Variants in FRRS1 observed in about 807,000 individuals in gnomAD.
FRRS1 encodes the protein ferric chelate reductase 1.
In FRRS1, 51 loss-of-function variants were observed where a neutral mutation model predicts 70.7. That is an observed-to-expected ratio of 0.72 (90% confidence interval 0.58 to 0.91). FRRS1 has a LOEUF of 0.91. FRRS1 is among the 40% of genes least tolerant of loss of function. FRRS1 has a pLI of 0.00. For synonymous variants in FRRS1, 225 were observed against 238.7 expected (o/e 0.94, Z 0.53); for missense variants, 672 against 726.0 (o/e 0.93, Z 0.86).
intron 1 of FRRS1, among the ~76,000 whole-genome samples, chr1:99,751,168 T>C (rs1656549685): frequency 6.6e-6 from 1 of 152,114 alleles, no homozygotes; most frequent in African/African-American, 2.4e-5. Flanking sequence ...GACATCAAGG[T>C]TCCTGGTCCT....
chr1:99,715,677 A>T lies in FRRS1; in HGVS notation c.1237-5T>A. ...GAACATGAGCATCCGATGCACCTGC[A>T]AGGTAAAATGACAAATTAAGAAGAC... On this transcript the variant is annotated splice_region_variant and splice_polypyrimidine_tract_variant and intron_variant, in intron 11 of 16. Transcript: ENST00000646001. The T allele has an allele frequency of 1.2e-6, 2 of 1,604,126 alleles. No homozygotes were observed.
In FRRS1 at chr1:99,708,987, T is replaced by C. The variant is rs935076079; in HGVS notation, c.*41A>G. ...GCTTCAAGTTTCTTTGGTTTGATGA[T>C]AATTATCACTTGGCCTGCAAAAGCC... On this transcript the variant is annotated 3_prime_UTR_variant, in exon 17 of 17. Coordinates refer to ENST00000646001, the MANE Select transcript of FRRS1 (RefSeq NM_001361041.2). 6.2e-7 allele frequency: 1 copy of C among 1,614,094 alleles called. No homozygotes were observed. The highest frequency in any genetic ancestry group is 8.5e-7 in the Non-Finnish European group (1 of 1,180,000).
At chr1:99,741,164 G>A (rs1655943933) in intron 5 of FRRS1, among the ~76,000 whole-genome samples, 1 of 152,000 alleles carries the variant, frequency 6.6e-6, no homozygotes, top group Non-Finnish European at 1.5e-5. Context: ...TTCCTTATTT[G>A]TCTGTTTTGG....
At chr1:99,716,883 G>A (rs1246084933) in intron 11 of FRRS1, among the ~76,000 whole-genome samples, 1 of 152,198 alleles carries the variant, frequency 6.6e-6, no homozygotes, top group East Asian at 1.9e-4. Flanking sequence ...AGGGAAGGAA[G>A]AGCATGAAAA....
intron 1 of FRRS1, among the ~76,000 whole-genome samples, chr1:99,758,217 C>T (rs948664640): frequency 2.6e-5 from 4 of 152,220 alleles, no homozygotes; most frequent in Non-Finnish European, 5.9e-5. Context: ...ATCTGTAGCT[C>T]TCTGCTTTGA....
chr1:99,729,622 T>A, intron 8 of FRRS1, 28 bp downstream of exon 8: 1 of 1,421,948 alleles, frequency 7.0e-7, no homozygotes, highest in African/African-American at 1.4e-5. Flanking sequence ...GGTCTCCAGG[T>A]GGAGGTTCTC....
chr1:99,747,635 T>G, intron 3 of FRRS1: 1 of 515,482 alleles, frequency 1.9e-6, no homozygotes, highest in South Asian at 2.6e-5. Flanking sequence ...CTGTGAGATA[T>G]TAATAGCCAT....
chr1:99,722,462 A>T (rs1021820408), intron 9 of FRRS1, among the ~76,000 whole-genome samples: 5 of 152,212 alleles, frequency 3.3e-5, no homozygotes, highest in African/African-American at 1.2e-4. Flanking sequence ...ATGAATATAG[A>T]TGTAAAAAGC....
chr1:99,711,232 T>C (rs1000553735), intron 14 of FRRS1: 5 of 371,858 alleles, frequency 1.3e-5, no homozygotes, highest in African/African-American at 2.0e-5. Context: ...ACCCAAGTGG[T>C]GAACATAGTA....
rs1312869735 is a variant in FRRS1, at chr1:99,706,873, C to A, written c.*2155G>T. On this transcript the variant is annotated 3_prime_UTR_variant, in exon 17 of 17. Transcript: ENST00000646001. ...CACCACTGCACTCCAGCCTAGACAA[C>A]AGAGTGAGACTTTGTCACAAAAAAA... 6.7e-6 allele frequency among the ~76,000 whole-genome samples: 1 copy of A among 149,060 alleles called. No homozygotes were observed. Among genetic ancestry groups the A allele is most frequent in the Non-Finnish European group, 1.5e-5 (1 of 67,876 alleles).
intron 1 of FRRS1, among the ~76,000 whole-genome samples, chr1:99,751,888 T>C (rs549086181): frequency 3.3e-5 from 5 of 152,156 alleles, no homozygotes; most frequent in Non-Finnish European, 7.4e-5. Flanking sequence ...AACATGAAAG[T>C]TTGTTCAAAA....
intron 9 of FRRS1, among the ~76,000 whole-genome samples, chr1:99,724,691 T>C (rs975932450): frequency 2.0e-5 from 3 of 152,096 alleles, no homozygotes; most frequent in Admixed American, 6.5e-5. Context: ...TGTCCTTTGT[T>C]CCCCAGTACA....
chr1:99,758,060 A>G (rs1392001934), intron 1 of FRRS1, among the ~76,000 whole-genome samples: 1 of 152,190 alleles, frequency 6.6e-6, no homozygotes, highest in Non-Finnish European at 1.5e-5. Flanking sequence ...TGGAGGGGAA[A>G]GAGGAACTTG....
chr1:99,725,114 G>C (rs1411671604), intron 9 of FRRS1, among the ~76,000 whole-genome samples: 2 of 152,004 alleles, frequency 1.3e-5, no homozygotes, highest in African/African-American at 2.4e-5. Flanking sequence ...ACACAACCTA[G>C]ATCCTTCACA....
chr1:99,723,849 G>C (rs1419201435), intron 9 of FRRS1, among the ~76,000 whole-genome samples: 4 of 152,156 alleles, frequency 2.6e-5, no homozygotes, highest in African/African-American at 9.7e-5. Flanking sequence ...TTTTACCATG[G>C]CTTCTTATAA....
At chr1:99,718,787 ATT>A (rs1448898266) in intron 10 of FRRS1, among the ~76,000 whole-genome samples, 1 of 152,162 alleles carries the variant, frequency 6.6e-6, no homozygotes, top group Non-Finnish European at 1.5e-5. Flanking sequence ...AAACCAAACT[ATT>A]GTTATAATTA....
intron 6 of FRRS1, among the ~76,000 whole-genome samples, chr1:99,738,863 A>C (rs1655811089): frequency 6.6e-6 from 1 of 152,206 alleles, no homozygotes; most frequent in Non-Finnish European, 1.5e-5. Context: ...TTGGGGGGAG[A>C]AATAAGCAAC....
chr1:99,747,092 A>G (rs1289814722), intron 4 of FRRS1, among the ~76,000 whole-genome samples: 1 of 127,552 alleles, frequency 7.8e-6, no homozygotes, highest in Admixed American at 7.8e-5. Flanking sequence ...CTTTATTGTA[A>G]GAATACAGTA....
At chr1:99,750,489 A>G (rs1289379481) in intron 1 of FRRS1, among the ~76,000 whole-genome samples, 2 of 152,210 alleles carry the variant, frequency 1.3e-5, no homozygotes, top group Non-Finnish European at 2.9e-5. Context: ...AAATGCTCCA[A>G]TGGATAAAGT....
Sources: gnomAD v4.1 joint callset for allele counts (sites outside exome capture counted in the v4.1 genomes callset) on GRCh38, gnomAD v4.1.1 for gene constraint, MANE v1.5 for transcripts, NCBI Gene and HGNC (gene_info 2026-07-23, HGNC 2026-07-21) for gene names.